Variants in TBC1D5 observed in about 807,000 individuals in gnomAD.
The protein encoded by TBC1D5 is TBC1 domain family member 5.
Under a neutral mutation model 100.3 loss-of-function variants are expected in TBC1D5, and 75 were observed. The ratio of observed to expected loss-of-function variants is 0.75; its 90% CI spans 0.62 to 0.91. The LOEUF (loss-of-function observed/expected upper bound fraction) is 0.91, where lower values mean the gene tolerates loss of function less well. TBC1D5 is among the 40% of genes least tolerant of loss of function. TBC1D5 has a pLI of 0.00. For synonymous variants in TBC1D5, 323 were observed against 325.6 expected (o/e 0.99, Z 0.09); for missense variants, 910 against 942.4 (o/e 0.97, Z 0.45).
intron 2 of TBC1D5, among the ~76,000 whole-genome samples, chr3:17,542,393 T>C (rs1400835876): frequency 6.6e-6 from 1 of 152,228 alleles, no homozygotes; most frequent in Non-Finnish European, 1.5e-5. Context: ...ATTGTTTTAA[T>C]GTTTTATAGA....
intron 8 of TBC1D5, among the ~76,000 whole-genome samples, chr3:17,401,373 AC>A (rs2093646175): frequency 2.8e-5 from 3 of 107,188 alleles, no homozygotes; most frequent in African/African-American, 9.7e-5. Flanking sequence ...TGTATAATAT[AC>A]ATATGTATAT....
At chr3:17,435,655 A>C (rs1046621003) in intron 3 of TBC1D5, among the ~76,000 whole-genome samples, 5 of 152,184 alleles carry the variant, frequency 3.3e-5, no homozygotes, top group Non-Finnish European at 5.9e-5. Context: ...CTACAATTCA[A>C]GGTGAGATTT....
At chr3:17,455,480 GTA>G (rs1307497848) in intron 3 of TBC1D5, among the ~76,000 whole-genome samples, 1 of 141,040 alleles carries the variant, frequency 7.1e-6, no homozygotes, top group Non-Finnish European at 1.5e-5. Context: ...GTATATATAT[GTA>G]TATATATGTG....
intron 15 of TBC1D5, among the ~76,000 whole-genome samples, chr3:17,260,880 G>T (rs1399018900): frequency 1.3e-5 from 2 of 152,194 alleles, no homozygotes; most frequent in Admixed American, 6.5e-5. Context: ...AACATATACA[G>T]TTATTAATGA....
chr3:17,360,459 C>T (rs534691903), intron 13 of TBC1D5, among the ~76,000 whole-genome samples: 54 of 151,904 alleles, frequency 3.6e-4, no homozygotes, highest in African/African-American at 1.3e-3. Flanking sequence ...TATTTACTAC[C>T]TTTTTATATA....
At chr3:17,696,924 C>T (rs7622878) in intron 1 of TBC1D5, among the ~76,000 whole-genome samples, 86,931 of 152,030 alleles carry the variant, frequency 0.57, 25,673 homozygotes, top group East Asian at 0.99. Flanking sequence ...GTCAGCTTCA[C>T]CCCTGGGATG....
chr3:17,352,084 A>G (rs1395490621), intron 13 of TBC1D5, among the ~76,000 whole-genome samples: 1 of 152,016 alleles, frequency 6.6e-6, no homozygotes, highest in Non-Finnish European at 1.5e-5. Context: ...ATAATCTAAA[A>G]GAAAAAATTC....
chr3:17,500,113 A>G (rs1187507178), intron 3 of TBC1D5, among the ~76,000 whole-genome samples: 1 of 149,666 alleles, frequency 6.7e-6, no homozygotes, highest in East Asian at 1.9e-4. Context: ...TATTTGCAAC[A>G]TGGTTCAATG....
chr3:17,166,908 AC>A lies in TBC1D5; in HGVS notation c.1952del (p.Gly651ValfsTer10). The stretch of plus-strand genomic sequence containing the variant: ...GCTGGCTCTGGTTAAAACGCAGGGA[AC>A]CTTTTAGAATGTCTTTGATCTATTT... On this transcript the variant is annotated frameshift_variant, in exon 21 of 22. Coordinates refer to ENST00000253692, the Ensembl canonical transcript of TBC1D5. LOFTEE classifies it high-confidence loss of function. 6.2e-7 allele frequency: 1 copy of A among 1,607,644 alleles called. No individual in the cohort carries two copies. Among genetic ancestry groups the A allele is most frequent in the Non-Finnish European group, 8.5e-7 (1 of 1,178,370 alleles).
intron 13 of TBC1D5, among the ~76,000 whole-genome samples, chr3:17,359,430 C>T (rs1339087723): frequency 1.3e-5 from 2 of 151,828 alleles, no homozygotes; most frequent in African/African-American, 2.4e-5. Context: ...AAAATTATAC[C>T]GGTAAAACTC....
chr3:17,332,822 G>A (rs2087059875), intron 13 of TBC1D5, among the ~76,000 whole-genome samples: 1 of 152,182 alleles, frequency 6.6e-6, no homozygotes, highest in African/African-American at 2.4e-5. Flanking sequence ...TGGTTAGGTG[G>A]AGTGGGGCAA....
At chr3:17,458,095 G>A (rs1033480972) in intron 3 of TBC1D5, among the ~76,000 whole-genome samples, 9 of 152,124 alleles carry the variant, frequency 5.9e-5, no homozygotes, top group Admixed American at 4.6e-4. Flanking sequence ...AGTAAGAAAC[G>A]GAGGAAGGTC....
chr3:17,698,125 C>T (rs2072457610), intron 1 of TBC1D5, among the ~76,000 whole-genome samples: 1 of 152,106 alleles, frequency 6.6e-6, no homozygotes, highest in South Asian at 2.1e-4. Context: ...AGGCATCATG[C>T]TACCTGACTT....
rs73165727 is a variant in TBC1D5 at position 17,572,064 on chromosome 3, T to C, written c.-36+51785A>G. ...CGGTTGGGACTTTTTGAAAACAGCA[T>C]TGCAGTCTGAGGTTCCTCCTCTCCA... is the stretch of plus-strand genomic sequence containing the variant. On this transcript the variant is annotated intron_variant, in intron 2 of 21. Coordinates refer to ENST00000253692, the Ensembl canonical transcript of TBC1D5. Among the ~76,000 whole-genome samples, 712 of 152,106 alleles carry C rather than the reference T, an allele frequency of 4.7e-3. 2 individuals carry two copies. The highest frequency in any genetic ancestry group is 0.016 in the African/African-American group (671 of 41,530).
chr3:17,170,719 C>G (rs923093239), intron 19 of TBC1D5, among the ~76,000 whole-genome samples: 4 of 152,114 alleles, frequency 2.6e-5, no homozygotes, highest in African/African-American at 9.7e-5. Flanking sequence ...GAACACAAAG[C>G]TCTCTTTAGA....
rs183290088 is a variant in TBC1D5 at position 17,422,166 on chromosome 3, G to A, written c.167+6284C>T. 7.2e-5 allele frequency among the ~76,000 whole-genome samples: 11 copies of A among 151,836 alleles called. No individual in the cohort carries two copies. In the East Asian group the frequency reaches 2.1e-3, roughly 29 times the overall value. Reference sequence around the variant, plus strand: ...TTCTGTTTTTGTTTTTTGGTTTTTGGGATTTTTTTGTTTTGTTGTTTTGAG... The same window carrying A: ...TTCTGTTTTTGTTTTTTGGTTTTTGAGATTTTTTTGTTTTGTTGTTTTGAG... On this transcript the variant is annotated intron_variant, in intron 4 of 21. Transcript: ENST00000253692.
intron 1 of TBC1D5, among the ~76,000 whole-genome samples, chr3:17,683,272 T>C (rs2069752013): frequency 1.3e-5 from 2 of 151,402 alleles, no homozygotes; most frequent in Non-Finnish European, 2.9e-5. Flanking sequence ...TGTGTGACCC[T>C]GATAACATTA....
intron 3 of TBC1D5, among the ~76,000 whole-genome samples, chr3:17,470,276 T>C (rs2095357367): frequency 6.6e-6 from 1 of 152,232 alleles, no homozygotes; most frequent in African/African-American, 2.4e-5. Context: ...GAAATCTTCC[T>C]AAAATAGGTA....
chr3:17,409,845 G>A (rs904772927), intron 4 of TBC1D5, among the ~76,000 whole-genome samples: 1 of 152,164 alleles, frequency 6.6e-6, no homozygotes, highest in Non-Finnish European at 1.5e-5. Flanking sequence ...GGTTCACGAA[G>A]TTTAAGAAAA....
Sources: allele counts gnomAD v4.1 joint callset (sites outside exome capture counted in the v4.1 genomes callset), GRCh38; gene constraint gnomAD v4.1.1; transcripts MANE v1.5; gene names NCBI Gene and HGNC (gene_info 2026-07-23, HGNC 2026-07-21).